PDE1C: variants seen among roughly 807,000 people sequenced by gnomAD.
PDE1C encodes the protein dual specificity calcium/calmodulin-dependent 3',5'-cyclic nucleotide phosphodiesterase 1C.
A neutral mutation model predicts 93.1 loss-of-function variants in PDE1C; 62 were observed. The observed-to-expected ratio is 0.67, with a 90% CI of 0.54 to 0.82. The LOEUF is 0.82. PDE1C is among the 40% of genes least tolerant of loss of function. The pLI, the probability that PDE1C is intolerant of heterozygous loss-of-function variation, is 0.00. For missense variants in PDE1C, 742 were observed against 884.6 expected (o/e 0.84, Z 2.04); for synonymous variants, 325 against 310.1 (o/e 1.05, Z -0.50).
In PDE1C at chr7:31,751,565, G is replaced by C. The variant is rs1410694104; in HGVS notation, c.*1819C>G. ...GCGCTAAAGCATCTGTGTATAAACA[G>C]ATAGGAATTACCTGTTGAGTTAACC... On this transcript the variant is annotated 3_prime_UTR_variant, in exon 18 of 18. Transcript: ENST00000396191. 6.6e-6 allele frequency: 1 copy of C among 152,232 alleles called. No individual in the cohort carries two copies. Among genetic ancestry groups the C allele is most frequent in the African/African-American group, 2.4e-5 (1 of 41,446 alleles). The allele number at this position is 152,232 out of a possible 1,614,324, so 9.4% of individuals were successfully genotyped here. A position where few individuals can be genotyped will look rare whatever the true frequency, so the allele number is the denominator to read the frequency against.
intron 2 of PDE1C, among the ~76,000 whole-genome samples, chr7:31,974,552 C>T (rs773449722): frequency 2.0e-5 from 3 of 152,136 alleles, no homozygotes; most frequent in Non-Finnish European, 4.4e-5. Context: ...ATGACGTTTA[C>T]CCTGAGACTG....
At chr7:31,873,263 T>G in intron 6 of PDE1C, 29 bp downstream of exon 6, 1 of 1,331,078 alleles carries the variant, frequency 7.5e-7, no homozygotes, top group Non-Finnish European at 1.1e-6. Flanking sequence ...TGTAGTTTAT[T>G]TATTTTTTCT....
At chr7:32,135,512 T>C (rs1298618643) in intron 3 of PDE1C, among the ~76,000 whole-genome samples, 1 of 152,134 alleles carries the variant, frequency 6.6e-6, no homozygotes, top group East Asian at 1.9e-4. Flanking sequence ...CCAGAAGGTA[T>C]AAAAACTGGT....
chr7:31,834,444 C>T (rs1208657501), intron 11 of PDE1C, among the ~76,000 whole-genome samples: 2 of 152,138 alleles, frequency 1.3e-5, no homozygotes, highest in Non-Finnish European at 2.9e-5. Context: ...AGGGAGGCTG[C>T]ACCTGGAAAA....
intron 9 of PDE1C, among the ~76,000 whole-genome samples, chr7:31,840,776 T>C (rs1489618210): frequency 1.3e-5 from 2 of 152,200 alleles, no homozygotes; most frequent in Admixed American, 6.5e-5. Context: ...TAGTTACGTA[T>C]GTCCATCTTT....
intron 16 of PDE1C, among the ~76,000 whole-genome samples, chr7:31,782,702 CAG>C (rs1247463372): frequency 6.6e-6 from 1 of 152,210 alleles, no homozygotes; most frequent in Non-Finnish European, 1.5e-5. Context: ...AATGACTACA[CAG>C]AGTCCCTGAC....
chr7:32,084,435 C>T (rs935330039), intron 3 of PDE1C, among the ~76,000 whole-genome samples: 5 of 148,154 alleles, frequency 3.4e-5, no homozygotes, highest in African/African-American at 1.3e-4. Context: ...CAACATTAGA[C>T]AGATCAACGA....
chr7:32,235,890 T>C (rs893921494), intron 1 of PDE1C, among the ~76,000 whole-genome samples: 2 of 152,122 alleles, frequency 1.3e-5, no homozygotes, highest in African/African-American at 4.8e-5. Context: ...ACTACCTTAT[T>C]TTAAGACTTA....
At chr7:31,978,096 C>G (rs1328930945) in intron 2 of PDE1C, among the ~76,000 whole-genome samples, 1 of 152,146 alleles carries the variant, frequency 6.6e-6, no homozygotes, top group African/African-American at 2.4e-5. Flanking sequence ...CCAGGCTGTC[C>G]AACTCCAAAG....
chr7:31,702,264 T>C, the PDE1C span, among the ~76,000 whole-genome samples: 2 of 151,418 alleles, frequency 1.3e-5, no homozygotes, highest in South Asian at 2.1e-4. Context: ...AAGAAGAAAA[T>C]AGAAGCATAG....
At chr7:31,770,261 T>A (rs1299960967) in intron 17 of PDE1C, among the ~76,000 whole-genome samples, 1 of 152,214 alleles carries the variant, frequency 6.6e-6, no homozygotes, top group Admixed American at 6.5e-5. Flanking sequence ...CTTTTTATTG[T>A]TGAGTTGTAA....
In PDE1C at chr7:32,020,371, T is replaced by C. The variant is rs557543182; in HGVS notation, c.128+31183A>G. ...CCAAAAATAGACATATAGAAATTCT[T>C]CATATTTTTTCTCCTTTTTGGTGAG... On this transcript the variant is annotated intron_variant, in intron 2 of 17. Coordinates refer to ENST00000396191, the MANE Select transcript of PDE1C (RefSeq NM_001191057.4). 4.3e-3 allele frequency among the ~76,000 whole-genome samples: 654 copies of C among 152,188 alleles called. 3 individuals are homozygous for C. Among genetic ancestry groups the C allele is most frequent in the African/African-American group, 0.015 (621 of 41,540 alleles).
At chr7:31,931,532 C>T (rs571687945) in intron 2 of PDE1C, among the ~76,000 whole-genome samples, 209 of 152,056 alleles carry the variant, frequency 1.4e-3, no homozygotes, top group South Asian at 3.7e-3. Flanking sequence ...AACTTACAAA[C>T]GAAGTGAAGG....
chr7:32,410,173 T>C lies in PDE1C; in HGVS notation c.310+17649A>G, dbSNP rs142258764. ...ACAAAATCAATATAAAGTAGTTTTT[T>C]AAAAACCAACCAGGGTGGGCGTGGT... On this transcript the variant is annotated intron_variant, in intron 1 of 1. Coordinates refer to the PDE1C transcript ENST00000672256. Among the ~76,000 whole-genome samples, 104 of 152,190 alleles carry C rather than the reference T, an allele frequency of 6.8e-4. 1 individual carries two copies. Among genetic ancestry groups the C allele is most frequent in the African/African-American group, 2.4e-3 (98 of 41,526 alleles).
At chr7:31,842,321 G>T (rs1583564105) in intron 9 of PDE1C, among the ~76,000 whole-genome samples, 1 of 151,992 alleles carries the variant, frequency 6.6e-6, no homozygotes, top group African/African-American at 2.4e-5. Flanking sequence ...AAAACAAATT[G>T]CACAGTATTT....
chr7:32,361,156 G>T (rs1277498506), intron 1 of PDE1C, among the ~76,000 whole-genome samples: 1 of 152,100 alleles, frequency 6.6e-6, no homozygotes, highest in African/African-American at 2.4e-5. Context: ...TACAGTTGGG[G>T]AAGCTGGGGT....
chr7:32,179,317 T>C (rs967851531), intron 2 of PDE1C, among the ~76,000 whole-genome samples: 2 of 147,710 alleles, frequency 1.4e-5, no homozygotes, highest in Non-Finnish European at 3.0e-5. Context: ...CGGAGTGCAG[T>C]GGCGTGATCT....
chr7:32,185,639 CTTCT>C (rs1803801400), intron 2 of PDE1C, among the ~76,000 whole-genome samples: 1 of 152,082 alleles, frequency 6.6e-6, no homozygotes, highest in Non-Finnish European at 1.5e-5. Context: ...TTATTTGCAT[CTTCT>C]GTTTTAATCT....
chr7:31,949,482 A>AAAT (rs1563083973), intron 2 of PDE1C, among the ~76,000 whole-genome samples: 1 of 152,058 alleles, frequency 6.6e-6, no homozygotes, highest in African/African-American at 2.4e-5. Flanking sequence ...AATAAATAAA[A>AAAT]AAATAAATGA....
Sources: gnomAD v4.1 joint callset for allele counts (sites outside exome capture counted in the v4.1 genomes callset) on GRCh38, gnomAD v4.1.1 for gene constraint, MANE v1.5 for transcripts, NCBI Gene and HGNC (gene_info 2026-07-23, HGNC 2026-07-21) for gene names.